EPHA7: variants seen among roughly 807,000 people sequenced by gnomAD.
EPHA7 encodes the protein ephrin type-A receptor 7.
In EPHA7, 25 loss-of-function variants were observed where a neutral mutation model predicts 112.6. The observed-to-expected ratio is 0.22, with a 90% CI of 0.16 to 0.31. The LOEUF (loss-of-function observed/expected upper bound fraction) is 0.31, where lower values mean the gene tolerates loss of function less well. EPHA7 is among the 10% of genes least tolerant of loss of function. The pLI is 1.00. For synonymous variants in EPHA7, 437 were observed against 406.5 expected (o/e 1.07, Z -0.90); for missense variants, 962 against 1,212.6 (o/e 0.79, Z 3.07).
chr6:93,345,151 T>C (rs1423361103), intron 5 of EPHA7, among the ~76,000 whole-genome samples: 1 of 151,652 alleles, frequency 6.6e-6, no homozygotes, highest in Non-Finnish European at 1.5e-5. Context: ...GGGTGCTGAG[T>C]TTAAGAGTAT....
chr6:93,293,831 G>A (rs564539866), intron 5 of EPHA7, among the ~76,000 whole-genome samples: 1 of 152,236 alleles, frequency 6.6e-6, no homozygotes, highest in East Asian at 1.9e-4. Context: ...TCTTGTCTTT[G>A]TTATGATTCA....
chr6:93,322,738 A>C (rs1774136404), intron 5 of EPHA7, among the ~76,000 whole-genome samples: 1 of 151,598 alleles, frequency 6.6e-6, no homozygotes, highest in African/African-American at 2.4e-5. Context: ...ATAGGGATTA[A>C]ATATTCTCTT....
rs1189141496 is a variant in EPHA7, at chr6:93,371,032, C to T, written c.833-12621G>A. 4.6e-5 allele frequency among the ~76,000 whole-genome samples: 7 copies of T among 151,342 alleles called. No individual in the cohort carries two copies. The South Asian group carries it at 6.3e-4, about 14-fold the overall frequency. On this transcript the variant is annotated intron_variant, in intron 3 of 16. Coordinates refer to ENST00000369303, the MANE Select transcript of EPHA7 (RefSeq NM_004440.4). ...AAAAAAACTTAGCCAGCCGTGGCGG[C>T]GGGAGCCTGTAGTCCCAGCTACTCA...
intron 5 of EPHA7, among the ~76,000 whole-genome samples, chr6:93,332,376 A>C (rs1344742277): frequency 6.6e-6 from 1 of 151,744 alleles, no homozygotes; most frequent in Non-Finnish European, 1.5e-5. Context: ...TTATATTTCT[A>C]GTAAGTACTA....
chr6:93,388,483 T>C (rs969223091), intron 3 of EPHA7, among the ~76,000 whole-genome samples: 2 of 152,168 alleles, frequency 1.3e-5, no homozygotes, highest in Non-Finnish European at 2.9e-5. Context: ...TGTGTAATCA[T>C]TGCTCTTCTA....
At chr6:93,279,086 C>T (rs551955260) in intron 5 of EPHA7, among the ~76,000 whole-genome samples, 5 of 151,860 alleles carry the variant, frequency 3.3e-5, no homozygotes, top group Admixed American at 2.0e-4. Context: ...TGTGTATATG[C>T]GACAAAATTC....
At chr6:93,311,309 GTCAACC>G (rs1233595586) in intron 5 of EPHA7, among the ~76,000 whole-genome samples, 10 of 151,868 alleles carry the variant, frequency 6.6e-5, no homozygotes, top group African/African-American at 2.4e-4. Flanking sequence ...CAAAATTAAA[GTCAACC>G]TTCTCAAACC....
chr6:93,325,772 G>A (rs1181211744), intron 5 of EPHA7, among the ~76,000 whole-genome samples: 1 of 151,308 alleles, frequency 6.6e-6, no homozygotes, highest in Non-Finnish European at 1.5e-5. Flanking sequence ...ACACTTTGAA[G>A]TTTCTAAATA....
chr6:93,265,376 C>A (rs547018737), intron 7 of EPHA7, among the ~76,000 whole-genome samples: 2 of 151,780 alleles, frequency 1.3e-5, no homozygotes, highest in South Asian at 4.1e-4. Context: ...TACCTAACTG[C>A]AAACCCTTCC....
chr6:93,312,208 C>A (rs1231682761), intron 5 of EPHA7, among the ~76,000 whole-genome samples: 3 of 152,172 alleles, frequency 2.0e-5, no homozygotes, highest in Admixed American at 6.5e-5. Context: ...TGAATCCAGA[C>A]ATTGACTTCT....
chr6:93,418,210 A>T (rs1779341077), intron 1 of EPHA7, among the ~76,000 whole-genome samples: 1 of 152,254 alleles, frequency 6.6e-6, no homozygotes, highest in East Asian at 1.9e-4. Context: ...ACTGCTCAAA[A>T]GCAAGAGACT....
intron 3 of EPHA7, among the ~76,000 whole-genome samples, chr6:93,383,471 A>G (rs939115072): frequency 2.6e-5 from 4 of 152,048 alleles, no homozygotes; most frequent in Non-Finnish European, 5.9e-5. Flanking sequence ...ACAGCTGGTA[A>G]GTGGTAGAGT....
chr6:93,418,582 G>A (rs1329130454), intron 1 of EPHA7, among the ~76,000 whole-genome samples: 2 of 152,322 alleles, frequency 1.3e-5, no homozygotes, highest in Non-Finnish European at 2.9e-5. Context: ...CGCAGCGCGC[G>A]CTGAATGGAG....
intron 5 of EPHA7, among the ~76,000 whole-genome samples, chr6:93,348,164 G>A (rs2127932607): frequency 6.6e-6 from 1 of 151,898 alleles, no homozygotes; most frequent in South Asian, 2.1e-4. Context: ...TGGGACTGGA[G>A]ATCAGGGAGT....
intron 5 of EPHA7, among the ~76,000 whole-genome samples, chr6:93,292,177 C>T (rs1582461445): frequency 6.6e-6 from 1 of 152,160 alleles, no homozygotes; most frequent in East Asian, 1.9e-4. Flanking sequence ...AGCTCTGTCA[C>T]TTATTAGTTA....
rs4053540 is a variant in EPHA7 at position 93,395,575 on chromosome 6, T to TCACACACACA, written c.832+14916_832+14925dup. Among the ~76,000 whole-genome samples the TCACACACACA allele has an allele frequency of 6.8e-3, 992 of 145,502 alleles. 8 individuals are homozygous for TCACACACACA. The highest frequency in any genetic ancestry group is 0.013 in the African/African-American group (499 of 39,630). The stretch of plus-strand genomic sequence containing the variant: ...GGATAAGGATATATCTTTACTTATT[T>TCACACACACA]CACACACACACACACACACACACAC... On this transcript the variant is annotated intron_variant, in intron 3 of 16. Transcript: ENST00000369303.
chr6:93,352,308 A>C (rs546077080), intron 5 of EPHA7, among the ~76,000 whole-genome samples: 1 of 152,262 alleles, frequency 6.6e-6, no homozygotes, highest in African/African-American at 2.4e-5. Context: ...ATTAACGTTC[A>C]TACTTCTGCA....
In EPHA7 at chr6:93,263,114, A is replaced by G. The variant is rs190358001; in HGVS notation, c.1798+746T>C. 3.0e-3 allele frequency among the ~76,000 whole-genome samples: 456 copies of G among 151,468 alleles called. 3 individuals are homozygous for G. Among genetic ancestry groups the G allele is most frequent in the African/African-American group, 0.01 (428 of 41,476 alleles). On this transcript the variant is annotated intron_variant, in intron 9 of 16. Transcript: ENST00000369303. Reference sequence around the variant, plus strand: ...GATTAAAAATGGGGAAAATAGGTAAAGGTAAGAACATCATCAACTATCATA... The same window carrying G: ...GATTAAAAATGGGGAAAATAGGTAAGGGTAAGAACATCATCAACTATCATA...
intron 5 of EPHA7, among the ~76,000 whole-genome samples, chr6:93,321,912 G>T (rs1774091529): frequency 6.6e-6 from 1 of 151,682 alleles, no homozygotes; most frequent in Non-Finnish European, 1.5e-5. Context: ...CACAATTTGG[G>T]GTTTGATTAC....
Sources: gnomAD v4.1 joint callset for allele counts (sites outside exome capture counted in the v4.1 genomes callset) on GRCh38, gnomAD v4.1.1 for gene constraint, MANE v1.5 for transcripts, NCBI Gene and HGNC (gene_info 2026-07-23, HGNC 2026-07-21) for gene names.